The following PXDN variants were observed in gnomAD, a reference collection of about 807,000 sequenced individuals.
PXDN encodes the protein peroxidasin homolog.
In PXDN, 77 loss-of-function variants were observed where a neutral mutation model predicts 140.3. That is an observed-to-expected ratio of 0.55 (90% confidence interval 0.46 to 0.66). The LOEUF is 0.66. Ranked by LOEUF, PXDN falls within the 30% of genes least tolerant of loss-of-function variation. PXDN has a pLI of 0.00. For missense variants in PXDN, 1,838 were observed against 2,039.5 expected, an observed-to-expected ratio of 0.90 and a Z score of 1.90; for synonymous variants, 911 against 857.4, an observed-to-expected ratio of 1.06 and a Z score of -1.09.
intron 18 of PXDN, among the ~76,000 whole-genome samples, chr2:1,644,268 A>G (rs1052594853): frequency 3.9e-5 from 6 of 152,104 alleles, no homozygotes; most frequent in African/African-American, 1.2e-4. Context: ...ACTAGAGATA[A>G]AACAAAGATC....
At chr2:1,656,924 C>A (rs981649476) in intron 14 of PXDN, among the ~76,000 whole-genome samples, 39 of 146,600 alleles carry the variant, frequency 2.7e-4, no homozygotes, top group Non-Finnish European at 5.4e-4. Context: ...AACCTGTCCC[C>A]TCCTGACAGA....
intron 3 of PXDN, among the ~76,000 whole-genome samples, chr2:1,690,841 A>G (rs942250384): frequency 5.9e-5 from 9 of 152,228 alleles, no homozygotes; most frequent in Non-Finnish European, 4.4e-5. Flanking sequence ...ATATATTTTA[A>G]TAAACAGAGT....
intron 1 of PXDN, among the ~76,000 whole-genome samples, chr2:1,698,347 C>T (rs1430453115): frequency 4.6e-5 from 7 of 152,098 alleles, no homozygotes; most frequent in African/African-American, 7.2e-5. Context: ...TGGAGAAGAT[C>T]GGTGCATACA....
chr2:1,648,194 C>T lies in PXDN; in HGVS notation c.3586G>A (p.Glu1196Lys), dbSNP rs767935865. The T allele has an allele frequency of 1.2e-6, 2 of 1,612,462 alleles. No individual in the cohort carries two copies. Among genetic ancestry groups the T allele is most frequent in the Non-Finnish European group, 1.7e-6 (2 of 1,178,596 alleles). ...EDLKNEIKNP[E>K]IREKLKRLYG... ...CACCTTTTCAGTTTCTCCCGGATCTCAGGGTTTTTAATCTCATTTTTCAGG... is the reference window on the plus strand; with the variant it reads ...CACCTTTTCAGTTTCTCCCGGATCTTAGGGTTTTTAATCTCATTTTTCAGG... The change falls in exon 17 of 23, where the codon GAG (glutamate) becomes AAG (lysine). Residue 1196 changes from glutamate (E) to lysine (K), a missense_variant. Glu to Lys is a moderately conservative substitution (Grantham distance 56). Around this residue, in one of 5 missense-constraint regions of PXDN, gnomAD observed 850 missense variants for 894.1 expected, o/e 0.95. Transcript: ENST00000252804. The surrounding 1 kb of genome is among the most constrained non-coding windows in gnomAD (Gnocchi z 8.9).
intron 1 of PXDN, among the ~76,000 whole-genome samples, chr2:1,726,863 T>C (rs1229686543): frequency 2.0e-5 from 3 of 152,190 alleles, no homozygotes; most frequent in Non-Finnish European, 4.4e-5. Flanking sequence ...CCGTAATTCT[T>C]AGCAAAGACT....
At chr2:1,700,249 A>G (rs550128520) in intron 1 of PXDN, among the ~76,000 whole-genome samples, 24 of 151,910 alleles carry the variant, frequency 1.6e-4, no homozygotes, top group Non-Finnish European at 2.9e-4. Context: ...TTTAGTAGAG[A>G]CGGGGTTTCG....
chr2:1,645,932 G>T (rs1682841387), intron 17 of PXDN: 1 of 152,274 alleles, frequency 6.6e-6, no homozygotes, highest in African/African-American at 2.4e-5. Flanking sequence ...AGAGTCTAAA[G>T]CCTCCACCTG....
intron 17 of PXDN, among the ~76,000 whole-genome samples, chr2:1,646,487 T>TA (rs1283950253): frequency 2.6e-5 from 4 of 152,140 alleles, no homozygotes; most frequent in Admixed American, 1.3e-4. Flanking sequence ...AAAACCATGA[T>TA]AAAAAAATTA....
chr2:1,667,553 C>CAAA (rs1683474891), intron 9 of PXDN, among the ~76,000 whole-genome samples: 1 of 152,110 alleles, frequency 6.6e-6, no homozygotes, highest in Admixed American at 6.6e-5. Flanking sequence ...TTAGAAAACT[C>CAAA]CAACATCTCA....
At chr2:1,690,915 A>C (rs1462725695) in intron 3 of PXDN, among the ~76,000 whole-genome samples, 11 of 152,214 alleles carry the variant, frequency 7.2e-5, no homozygotes, top group African/African-American at 2.2e-4. Context: ...TTCAGAGTAT[A>C]CATCAACAAT....
At chr2:1,735,721 T>C (rs952757893) in intron 1 of PXDN, among the ~76,000 whole-genome samples, 1 of 152,114 alleles carries the variant, frequency 6.6e-6, no homozygotes, top group African/African-American at 2.4e-5. Context: ...GGTTGGGGAA[T>C]GGTAAATGAG....
At chr2:1,688,130 A>C (rs985665205) in intron 3 of PXDN, among the ~76,000 whole-genome samples, 6 of 152,234 alleles carry the variant, frequency 3.9e-5, no homozygotes, top group Non-Finnish European at 8.8e-5. Flanking sequence ...GACAATATGA[A>C]GACCGAATGC....
In PXDN at chr2:1,648,096, A is replaced by G; in HGVS notation, c.3608+76T>C. 1.4e-5 allele frequency: 22 copies of G among 1,525,218 alleles called. No individual in the cohort carries two copies. Among genetic ancestry groups the G allele is most frequent in the Non-Finnish European group, 1.9e-5 (21 of 1,122,728 alleles). The allele number at this position is 1,525,218 out of a possible 1,614,324, so 94.5% of individuals were successfully genotyped here. ...GAACAAAACTCACACACAGAGACAA[A>G]TAACACACACACCACAGTTCAGGTG... On this transcript the variant is annotated intron_variant, in intron 17 of 22. Coordinates refer to ENST00000252804, the MANE Select transcript of PXDN (RefSeq NM_012293.3). The surrounding 1 kb of genome is among the most constrained non-coding windows in gnomAD (Gnocchi z 8.9).
intron 7 of PXDN, among the ~76,000 whole-genome samples, chr2:1,677,418 G>A (rs1473638299): frequency 6.6e-6 from 1 of 152,230 alleles, no homozygotes; most frequent in Admixed American, 6.5e-5. Context: ...ACAAAAAATA[G>A]TACTCTGTAG....
chr2:1,684,911 C>T (rs1168199734), intron 4 of PXDN, among the ~76,000 whole-genome samples: 1 of 152,204 alleles, frequency 6.6e-6, no homozygotes, highest in African/African-American at 2.4e-5. Flanking sequence ...TGCTGGGAGA[C>T]CCCTCCTGCC....
rs747492248 is a variant in PXDN, at chr2:1,683,677, T to G, written c.539A>C (p.His180Pro). Reference protein sequence around the residue: ...ITHLVPGTFNHLESMKRLRLD... With the variant: ...ITHLVPGTFNPLESMKRLRLD... ...TCACAATCTCTTCATAGATTCCAAG[T>G]GATTAAATGTCCCTGGAACTAAATG... The change falls in exon 6 of 23, where the codon CAC (histidine) becomes CCC (proline). Residue 180 changes from histidine (H) to proline (P), a missense_variant. Physicochemically the swap from His to Pro is moderately conservative, Grantham distance 77. Transcript: ENST00000252804. 3 of 1,607,344 alleles carry G rather than the reference T, an allele frequency of 1.9e-6. No homozygotes were observed. The highest frequency in any genetic ancestry group is 1.7e-4 in the Middle Eastern group (1 of 6,058).
intron 16 of PXDN, chr2:1,653,245 C>T (rs929273903): frequency 1.8e-5 from 6 of 339,428 alleles, no homozygotes; most frequent in Non-Finnish European, 3.5e-5. Flanking sequence ...CGCGTGGCAC[C>T]GCATTCCCAG....
chr2:1,634,070 A>G lies in PXDN; in HGVS notation c.*134T>C. Reference sequence around the variant, plus strand: ...AGCCTCCTGCACTGCCTTCTGTAACAGCACCAGCTGGACGTTGTCATGAAA... The same window carrying G: ...AGCCTCCTGCACTGCCTTCTGTAACGGCACCAGCTGGACGTTGTCATGAAA... On this transcript the variant is annotated 3_prime_UTR_variant, in exon 23 of 23. Coordinates refer to ENST00000252804, the MANE Select transcript of PXDN (RefSeq NM_012293.3). 6.6e-6 allele frequency: 9 copies of G among 1,370,150 alleles called. No homozygotes were observed. The highest frequency in any genetic ancestry group is 8.8e-6 in the Non-Finnish European group (9 of 1,018,052). 84.9% of individuals were successfully genotyped at this position (1,370,150 alleles called of 1,614,324 possible). A position where few individuals can be genotyped will look rare whatever the true frequency, so the allele number is the denominator to read the frequency against.
rs565245833 is a variant in PXDN, at chr2:1,667,363, CT to C, written c.1019-878del. On this transcript the variant is annotated intron_variant, in intron 9 of 22. Transcript: ENST00000252804. ...AAAAATGATAAAGGGGATATCACCC[CT>C]GATCCCAAAGAAATACAAACTACCA... Among the ~76,000 whole-genome samples the C allele has an allele frequency of 3.7e-3, 565 of 152,248 alleles. 3 individuals carry two copies. The highest frequency in any genetic ancestry group is 0.013 in the African/African-American group (538 of 41,560).
Sources: allele counts gnomAD v4.1 joint callset (sites outside exome capture counted in the v4.1 genomes callset), GRCh38; gene constraint gnomAD v4.1.1; regional missense constraint gnomAD v4.1.1; non-coding constraint Gnocchi (gnomAD v3.1); transcripts MANE v1.5; gene names NCBI Gene and HGNC (gene_info 2026-07-23, HGNC 2026-07-21).